FRMD4A: variants seen among roughly 807,000 people sequenced by gnomAD.
FRMD4A encodes FERM domain containing 4A.
A neutral mutation model predicts 129.1 loss-of-function variants in FRMD4A; 29 were observed. The ratio of observed to expected loss-of-function variants is 0.22; its 90% CI spans 0.17 to 0.31. FRMD4A has a LOEUF of 0.31. FRMD4A is among the 10% of genes least tolerant of loss of function. FRMD4A has a pLI of 1.00. For synonymous variants in FRMD4A, 634 were observed against 571.6 expected (o/e 1.11, Z -1.56); for missense variants, 1,272 against 1,375.8 (o/e 0.92, Z 1.19).
At chr10:14,132,317 A>T (rs769853847) in intron 2 of FRMD4A, among the ~76,000 whole-genome samples, 3 of 152,032 alleles carry the variant, frequency 2.0e-5, no homozygotes, top group Non-Finnish European at 2.9e-5. Flanking sequence ...AAAACCAAAA[A>T]TCTTAAACAT....
At chr10:14,135,772 C>T (rs922631340) in intron 2 of FRMD4A, among the ~76,000 whole-genome samples, 11 of 152,138 alleles carry the variant, frequency 7.2e-5, no homozygotes, top group African/African-American at 2.7e-4. Flanking sequence ...ATGCCTGATT[C>T]CACTTATGGA....
intron 2 of FRMD4A, among the ~76,000 whole-genome samples, chr10:14,087,286 TTA>T (rs1307999507): frequency 1.4e-5 from 2 of 147,394 alleles, no homozygotes; most frequent in African/African-American, 4.9e-5. Context: ...AATATATGTG[TTA>T]TATATCTATA....
At chr10:14,263,937 T>C (rs916656616) in intron 2 of FRMD4A, among the ~76,000 whole-genome samples, 2 of 152,136 alleles carry the variant, frequency 1.3e-5, no homozygotes, top group Non-Finnish European at 2.9e-5. Context: ...CGAAAGGAAG[T>C]AGCCAGTGGA....
intron 2 of FRMD4A, among the ~76,000 whole-genome samples, chr10:14,138,000 A>C (rs1300687091): frequency 6.6e-6 from 1 of 152,162 alleles, no homozygotes; most frequent in African/African-American, 2.4e-5. Context: ...CCTGCCCTTC[A>C]CAATAAGAAG....
At chr10:14,235,495 C>G (rs888110923) in intron 2 of FRMD4A, among the ~76,000 whole-genome samples, 1 of 152,124 alleles carries the variant, frequency 6.6e-6, no homozygotes, top group African/African-American at 2.4e-5. Context: ...TGCTAGGAAG[C>G]GCTCTGTTTT....
intron 2 of FRMD4A, among the ~76,000 whole-genome samples, chr10:14,271,061 T>C (rs548800037): frequency 6.6e-6 from 1 of 152,130 alleles, no homozygotes; most frequent in African/African-American, 2.4e-5. Flanking sequence ...GTGTAACACA[T>C]GGCGGGCACA....
intron 6 of FRMD4A, among the ~76,000 whole-genome samples, chr10:13,778,295 T>C (rs930557486): frequency 2.0e-5 from 3 of 152,198 alleles, no homozygotes; most frequent in Non-Finnish European, 4.4e-5. Context: ...TTATTTCCAC[T>C]TTATAATGAG....
At chr10:14,309,711 C>T (rs1437914199) in intron 2 of FRMD4A, among the ~76,000 whole-genome samples, 2 of 152,068 alleles carry the variant, frequency 1.3e-5, no homozygotes, top group African/African-American at 4.8e-5. Flanking sequence ...AGTGTTTTCA[C>T]CCCTCAGGCT....
chr10:13,675,120 G>A, intron 15 of FRMD4A, 76 bp from the exon 16 acceptor site: 1 of 1,365,558 alleles, frequency 7.3e-7, no homozygotes, highest in Non-Finnish European at 1.0e-6. Flanking sequence ...TTTAACTGGA[G>A]CCCATGCTGC....
At chr10:14,138,023 T>A (rs1194398184) in intron 2 of FRMD4A, among the ~76,000 whole-genome samples, 1 of 152,192 alleles carries the variant, frequency 6.6e-6, no homozygotes, top group South Asian at 2.1e-4. Context: ...AGTTGTTAGA[T>A]ACAAAGACCA....
At chr10:13,854,415 G>A (rs548909463) in intron 3 of FRMD4A, among the ~76,000 whole-genome samples, 1 of 151,926 alleles carries the variant, frequency 6.6e-6, no homozygotes, top group South Asian at 2.1e-4. Context: ...TTTGATGAAG[G>A]CTTTTTTTCT....
rs769193704 is a variant in FRMD4A, at chr10:13,884,174, A to ACG, written c.46-25263_46-25262insCG. Among the ~76,000 whole-genome samples, 10 of 105,290 alleles carry ACG rather than the reference A, an allele frequency of 9.5e-5. No homozygotes were observed. The East Asian group carries it at 1.5e-3, about 16-fold the overall frequency. 69.1% of individuals were successfully genotyped at this position (105,290 alleles called of 152,430 possible). On this transcript the variant is annotated intron_variant, in intron 2 of 24. Transcript: ENST00000357447. ...CACACTCTCACACACACACTCACAC[A>ACG]CTCACACACACACACACACACTCAC...
intron 2 of FRMD4A, among the ~76,000 whole-genome samples, chr10:13,887,565 G>C (rs1261246878): frequency 6.6e-6 from 1 of 152,182 alleles, no homozygotes; most frequent in Non-Finnish European, 1.5e-5. Flanking sequence ...TGTATTCCCA[G>C]CTACTTGGGA....
chr10:14,017,275 TG>T (rs1225361656), intron 2 of FRMD4A, among the ~76,000 whole-genome samples: 2 of 150,648 alleles, frequency 1.3e-5, no homozygotes, highest in Non-Finnish European at 3.0e-5. Context: ...AAGATCATTT[TG>T]CAAAGCCCGT....
chr10:13,707,346 T>G, intron 12 of FRMD4A: 2 of 1,240,460 alleles, frequency 1.6e-6, no homozygotes, highest in Non-Finnish European at 2.0e-6. Context: ...GTTCCTTAAC[T>G]GGAACAAAAC....
At chr10:14,055,801 A>C (rs2447029) in intron 2 of FRMD4A, among the ~76,000 whole-genome samples, 144,164 of 152,338 alleles carry the variant, frequency 0.95, 68,380 homozygotes, top group Middle Eastern at 0.98. Context: ...GGGGTGTCCA[A>C]CCCCTCAAGC....
At chr10:14,047,173 C>T (rs1247434026) in intron 2 of FRMD4A, among the ~76,000 whole-genome samples, 1 of 152,188 alleles carries the variant, frequency 6.6e-6, no homozygotes, top group African/African-American at 2.4e-5. Context: ...GATGGAAATT[C>T]ACCAATGCAA....
chr10:13,686,229 A>T (rs2085068972), intron 15 of FRMD4A, among the ~76,000 whole-genome samples: 1 of 152,250 alleles, frequency 6.6e-6, no homozygotes, highest in Non-Finnish European at 1.5e-5. Context: ...GGACTTTAAA[A>T]GGCCAGGAAC....
intron 2 of FRMD4A, among the ~76,000 whole-genome samples, chr10:14,209,893 A>G (rs4750489): frequency 0.27 from 41,592 of 151,794 alleles, 5,814 homozygotes; most frequent in Admixed American, 0.33. Flanking sequence ...GTCCCAAAAG[A>G]AAAGGCTCAG....
Sources: gnomAD v4.1 joint callset for allele counts (sites outside exome capture counted in the v4.1 genomes callset) on GRCh38, gnomAD v4.1.1 for gene constraint, MANE v1.5 for transcripts, NCBI Gene and HGNC (gene_info 2026-07-23, HGNC 2026-07-21) for gene names.